Variants in ICA1L observed in about 807,000 individuals in gnomAD.
The protein encoded by ICA1L is islet cell autoantigen 1 like, also known as islet cell autoantigen 1-like protein.
ICA1L carries 50 observed loss-of-function variants against 61.3 expected under a neutral mutation model. The observed-to-expected ratio is 0.82, with a 90% CI of 0.65 to 1.03. The LOEUF (loss-of-function observed/expected upper bound fraction) is 1.03. ICA1L is among the 50% of genes least tolerant of loss of function. The probability of loss-of-function intolerance (pLI) is 0.00; values close to 1 mark genes in which losing one functional copy is unlikely to be tolerated. For synonymous variants in ICA1L, 161 were observed against 191.3 expected (o/e 0.84, Z 1.31); for missense variants, 508 against 556.7 (o/e 0.91, Z 0.88).
chr2:202,832,435 C>CA lies in ICA1L; in HGVS notation c.-7-3420dup, dbSNP rs35735506. Among the ~76,000 whole-genome samples, 409 of 80,860 alleles carry CA rather than the reference C, an allele frequency of 5.1e-3. 10 individuals are homozygous for CA. Among genetic ancestry groups the CA allele is most frequent in the Admixed American group, 0.021 (142 of 6,728 alleles). The allele number at this position is 80,860 out of a possible 152,430, so 53.0% of individuals were successfully genotyped here. On this transcript the variant is annotated intron_variant, in intron 1 of 12. Coordinates refer to ENST00000358299, the MANE Select transcript of ICA1L (RefSeq NM_001288622.3). ...TGGTCGACAGAGTGAGACTCCGTCACAAAAAAAAAAAAAAAAAAAAGATTT... is the reference window on the plus strand; with the variant it reads ...TGGTCGACAGAGTGAGACTCCGTCACAAAAAAAAAAAAAAAAAAAAAGATTT...
chr2:202,851,834 C>T (rs1044621177), intron 1 of ICA1L, among the ~76,000 whole-genome samples: 10 of 152,190 alleles, frequency 6.6e-5, no homozygotes, highest in African/African-American at 2.2e-4. Context: ...TGTTCATATC[C>T]TTCTCCCACT....
At chr2:202,841,508 C>T in intron 1 of ICA1L, 1 of 743,118 alleles carries the variant, frequency 1.3e-6, no homozygotes, top group South Asian at 1.4e-5. Flanking sequence ...CTCCTGGGTG[C>T]ACACGGCCTG....
At chr2:202,800,023 A>G (rs928703111) in intron 9 of ICA1L, among the ~76,000 whole-genome samples, 2 of 151,920 alleles carry the variant, frequency 1.3e-5, no homozygotes, top group East Asian at 1.9e-4. Flanking sequence ...GATTACAGGT[A>G]CGCACTGCCA....
intron 10 of ICA1L, among the ~76,000 whole-genome samples, chr2:202,794,454 A>G (rs1692855374): frequency 1.3e-5 from 2 of 152,152 alleles, no homozygotes; most frequent in Non-Finnish European, 1.5e-5. Flanking sequence ...GTCCAAAGCC[A>G]GCATCTTAGT....
intron 6 of ICA1L, 71 bp downstream of exon 6, chr2:202,817,347 A>T: frequency 7.2e-7 from 1 of 1,386,662 alleles, no homozygotes; most frequent in Non-Finnish European, 9.6e-7. Flanking sequence ...TACACCCTTT[A>T]GACAACTTTT....
Position 202,773,983 on chromosome 2 carries a change from G to A in ICA1L, c.*5550C>T. ...GCCACTGTGTTTTAAAAGGTATATG[G>A]TACTAAGAAGAGTTGGCTGTTTTAT... On this transcript the variant is annotated 3_prime_UTR_variant, in exon 13 of 13. Transcript: ENST00000358299. 1 of 930,550 alleles carries A rather than the reference G, an allele frequency of 1.1e-6. No homozygotes were observed. 57.6% of individuals were successfully genotyped at this position (930,550 alleles called of 1,614,324 possible).
At chr2:202,846,722 C>T (rs1009887982) in intron 1 of ICA1L, among the ~76,000 whole-genome samples, 1 of 140,390 alleles carries the variant, frequency 7.1e-6, no homozygotes, top group Admixed American at 7.5e-5. Flanking sequence ...AAGCCCTTAT[C>T]CAAAAGTGAG....
At chr2:202,802,795 G>A (rs1351894835) in intron 9 of ICA1L, among the ~76,000 whole-genome samples, 2 of 152,044 alleles carry the variant, frequency 1.3e-5, no homozygotes, top group Admixed American at 6.5e-5. Context: ...GTTCTAATTT[G>A]TAGAAAAGTA....
At chr2:202,869,320 T>G (rs995778227) in intron 1 of ICA1L, among the ~76,000 whole-genome samples, 1 of 152,152 alleles carries the variant, frequency 6.6e-6, no homozygotes, top group Admixed American at 6.5e-5. Context: ...ATCCTGCCAC[T>G]GCACTCAGCC....
chr2:202,809,795 C>T (rs1479568326), intron 9 of ICA1L, among the ~76,000 whole-genome samples: 1 of 151,690 alleles, frequency 6.6e-6, no homozygotes, highest in Admixed American at 6.6e-5. Flanking sequence ...TCTCAAAAAA[C>T]AAAAACGAAA....
Position 202,849,987 on chromosome 2 carries a change from TG to T in ICA1L, c.-7-20972del, listed in dbSNP as rs1032443934. 2.6e-5 allele frequency among the ~76,000 whole-genome samples: 4 copies of T among 152,194 alleles called. No individual in the cohort carries two copies. Among genetic ancestry groups the T allele is most frequent in the Non-Finnish European group, 5.9e-5 (4 of 68,026 alleles). On this transcript the variant is annotated intron_variant, in intron 1 of 12. Transcript: ENST00000358299. This position sits in a 1 kb window ranked among gnomAD's most constrained non-coding sequence, Gnocchi z 4.5. The stretch of plus-strand genomic sequence containing the variant: ...ATCGTTGCTGTTCTGTAGCCTCTGC[TG>T]GTGATACCCAGGCAAACAGGTTATA...
intron 1 of ICA1L, among the ~76,000 whole-genome samples, chr2:202,846,650 C>T (rs919602782): frequency 3.3e-5 from 5 of 152,172 alleles, no homozygotes; most frequent in Non-Finnish European, 5.9e-5. Flanking sequence ...GTAATGAGAG[C>T]TACGGAAGTT....
intron 9 of ICA1L, among the ~76,000 whole-genome samples, chr2:202,800,653 A>G (rs1693064708): frequency 6.6e-6 from 1 of 152,194 alleles, no homozygotes; most frequent in Non-Finnish European, 1.5e-5. Context: ...AAAAAATGAA[A>G]TGTAAATTTC....
chr2:202,859,145 G>T (rs1373843544), intron 1 of ICA1L, among the ~76,000 whole-genome samples: 1 of 152,118 alleles, frequency 6.6e-6, no homozygotes, highest in Non-Finnish European at 1.5e-5. Context: ...ATTATTAAGG[G>T]TAACTGATAT....
intron 1 of ICA1L, among the ~76,000 whole-genome samples, chr2:202,833,567 A>C (rs1694068741): frequency 6.6e-6 from 1 of 152,208 alleles, no homozygotes; most frequent in Admixed American, 6.5e-5. Context: ...CCTGGGCGAC[A>C]GAGTGACAGC....
At chr2:202,852,442 G>A (rs535642644) in intron 1 of ICA1L, among the ~76,000 whole-genome samples, 20 of 151,572 alleles carry the variant, frequency 1.3e-4, no homozygotes, top group South Asian at 2.1e-4. Flanking sequence ...AGGCTGAGGC[G>A]GGCGGATCAC....
In ICA1L at chr2:202,849,709, C is replaced by T. The variant is rs751391872; in HGVS notation, c.-7-20693G>A. Among the ~76,000 whole-genome samples, 1 of 152,214 alleles carries T rather than the reference C, an allele frequency of 6.6e-6. No individual in the cohort carries two copies. The highest frequency in any genetic ancestry group is 6.5e-5 in the Admixed American group (1 of 15,280). On this transcript the variant is annotated intron_variant, in intron 1 of 12. Coordinates refer to ENST00000358299, the MANE Select transcript of ICA1L (RefSeq NM_001288622.3). This position sits in a 1 kb window ranked among gnomAD's most constrained non-coding sequence, Gnocchi z 4.5. The stretch of plus-strand genomic sequence containing the variant: ...GGGGCAACTGTGGGCACAGCTTCAG[C>T]GGACTTAACATGTTCCTGCCTGCTG...
chr2:202,817,478 T>C lies in ICA1L; in HGVS notation c.624A>G (p.Lys208=), dbSNP rs1437309079. Residue 208 remains lysine (K), a synonymous_variant, in exon 6 of 13, where the codon AAA becomes AAG. Transcript: ENST00000358299. ...AGCGACTAGCTCCAAGTAAATCCAC[T>C]TTCTGACAAACATCCATCTTTAACT... The part of the protein sequence containing the change: ...FDKLKMDVCQ[K]VDLLGASRCN... The C allele has an allele frequency of 8.7e-6, 14 of 1,612,614 alleles. No individual in the cohort carries two copies. The highest frequency in any genetic ancestry group is 5.0e-5 in the Admixed American group (3 of 59,932).
intron 1 of ICA1L, chr2:202,844,114 A>T (rs929767231): frequency 2.6e-5 from 4 of 152,174 alleles, no homozygotes; most frequent in African/African-American, 7.2e-5. Flanking sequence ...TTTGCAGAAA[A>T]ATGTTTTCAT....
Sources: gnomAD v4.1 joint callset for allele counts (sites outside exome capture counted in the v4.1 genomes callset) on GRCh38, gnomAD v4.1.1 for gene constraint, Gnocchi (gnomAD v3.1) non-coding constraint, MANE v1.5 for transcripts, NCBI Gene and HGNC (gene_info 2026-07-23, HGNC 2026-07-21) for gene names.